LARP4B: variants seen among roughly 807,000 people sequenced by gnomAD.
LARP4B encodes La ribonucleoprotein 4B, also known as la-related protein 4B.
In LARP4B, 12 loss-of-function variants were observed where a neutral mutation model predicts 89.8. The ratio of observed to expected loss-of-function variants is 0.13; its 90% CI spans 0.09 to 0.22. The LOEUF is 0.22. Among genes scored for constraint, LARP4B ranks in the 10% least tolerant of loss-of-function variants. LARP4B has a pLI of 1.00. For synonymous variants in LARP4B, 367 were observed against 363.3 expected (o/e 1.01, Z -0.12); for missense variants, 757 against 947.7 (o/e 0.80, Z 2.64).
At chr10:928,810 C>T (rs1245740564) in intron 1 of LARP4B, among the ~76,000 whole-genome samples, 1 of 152,070 alleles carries the variant, frequency 6.6e-6, no homozygotes, top group East Asian at 1.9e-4. Flanking sequence ...AACTCCTGGG[C>T]TCCTAAACTC....
the LARP4B span, chr10:971,495 T>C: frequency 5.9e-5 from 9 of 152,318 alleles, no homozygotes; most frequent in African/African-American, 2.2e-4. Context: ...TTTGTAAAGA[T>C]TTCTGATTTT....
At chr10:878,415 A>C (rs1439208489) in intron 3 of LARP4B, among the ~76,000 whole-genome samples, 5 of 152,338 alleles carry the variant, frequency 3.3e-5, no homozygotes, top group East Asian at 1.9e-4. Context: ...ACCATCTCAG[A>C]AACTCTGACA....
At chr10:936,768 A>G (rs1589005014), upstream of LARP4B, among the ~76,000 whole-genome samples, 1 of 151,974 alleles carries the variant, frequency 6.6e-6, no homozygotes. Flanking sequence ...GGCAAGAAAG[A>G]CCCTTAGAAG....
chr10:962,275 C>A, the LARP4B span, among the ~76,000 whole-genome samples: 2 of 105,386 alleles, frequency 1.9e-5, no homozygotes, highest in African/African-American at 3.8e-5. Flanking sequence ...CCAGCCTGGG[C>A]AACAAGAGTG....
intron 10 of LARP4B, 43 bp from the exon 11 acceptor site, chr10:829,637 A>G: frequency 1.2e-6 from 2 of 1,609,962 alleles, no homozygotes; most frequent in Non-Finnish European, 1.7e-6. Flanking sequence ...ACTTAAGAAC[A>G]TCAATTTGCA....
chr10:848,290 TCCAAGAAA>T (rs1588904032), intron 5 of LARP4B, among the ~76,000 whole-genome samples: 2 of 152,256 alleles, frequency 1.3e-5, no homozygotes, highest in East Asian at 3.9e-4. Flanking sequence ...TCACACTGTT[TCCAAGAAA>T]CCTGGCTGCA....
At chr10:832,021 G>T (rs1832929824) in intron 8 of LARP4B, among the ~76,000 whole-genome samples, 1 of 152,126 alleles carries the variant, frequency 6.6e-6, no homozygotes, top group African/African-American at 2.4e-5. Flanking sequence ...ATATATGGAA[G>T]ATTGTTTTTA....
At chr10:837,104 T>C (rs547402527) in intron 7 of LARP4B, among the ~76,000 whole-genome samples, 1 of 152,298 alleles carries the variant, frequency 6.6e-6, no homozygotes, top group Non-Finnish European at 1.5e-5. Context: ...TTACAGGTTC[T>C]ATCAACAGGA....
Position 811,790 on chromosome 10 carries a change from G to A in LARP4B, c.*1136C>T, listed in dbSNP as rs1831750292. ...TGCTTAGAATAAAGAAAAATTTGAG[G>A]CATTTTAAAACAAAATAATTTATAT... On this transcript the variant is annotated 3_prime_UTR_variant, in exon 18 of 18. Coordinates refer to ENST00000316157, the MANE Select transcript of LARP4B (RefSeq NM_015155.3). 1 of 152,454 alleles carries A rather than the reference G, an allele frequency of 6.6e-6. No homozygotes were observed. Among genetic ancestry groups the A allele is most frequent in the Admixed American group, 6.5e-5 (1 of 15,272 alleles). 9.4% of individuals were successfully genotyped at this position (152,454 alleles called of 1,614,324 possible).
chr10:914,382 G>A (rs1836759250), intron 1 of LARP4B, among the ~76,000 whole-genome samples: 2 of 151,964 alleles, frequency 1.3e-5, no homozygotes. Context: ...AAGGGGGAAA[G>A]GAAAGTAAGT....
At chr10:860,911 C>T (rs1834570107) in intron 5 of LARP4B, among the ~76,000 whole-genome samples, 1 of 152,120 alleles carries the variant, frequency 6.6e-6, no homozygotes, top group South Asian at 2.1e-4. Context: ...AATCCCAGCA[C>T]TTTGGGAGGC....
intron 7 of LARP4B, among the ~76,000 whole-genome samples, chr10:841,305 T>C (rs977025001): frequency 2.0e-5 from 3 of 152,218 alleles, no homozygotes; most frequent in Admixed American, 6.5e-5. Flanking sequence ...TCACATAGGT[T>C]CTTACAAAGG....
chr10:897,592 C>T (rs1389283246), intron 1 of LARP4B, among the ~76,000 whole-genome samples: 1 of 151,818 alleles, frequency 6.6e-6, no homozygotes, highest in Non-Finnish European at 1.5e-5. Flanking sequence ...CCAAAGAATG[C>T]GAAAAAACAT....
the LARP4B span, among the ~76,000 whole-genome samples, chr10:983,698 C>T: frequency 0.016 from 2,500 of 152,260 alleles, 70 homozygotes; most frequent in African/African-American, 0.057. Context: ...CTCCCCAAGG[C>T]TCCATCTCCA....
At chr10:929,856 G>C (rs1224984457) in intron 1 of LARP4B, among the ~76,000 whole-genome samples, 2 of 152,064 alleles carry the variant, frequency 1.3e-5, no homozygotes, top group African/African-American at 4.8e-5. Flanking sequence ...TCAAAGATAA[G>C]TACACAAATT....
chr10:937,262 C>T, the LARP4B span, among the ~76,000 whole-genome samples: 3 of 152,058 alleles, frequency 2.0e-5, no homozygotes, highest in African/African-American at 4.8e-5. Context: ...AGGCTGGTCT[C>T]GAACTCCTGG....
Position 894,971 on chromosome 10 carries a change from G to A in LARP4B, c.-39-9211C>T, listed in dbSNP as rs115737345. ...AGGCCAAGGCGGGCGGACTGCCTGAGCTCAGGAGTTTGCGACCAGCCTCGG... is the reference window on the plus strand; with the variant it reads ...AGGCCAAGGCGGGCGGACTGCCTGAACTCAGGAGTTTGCGACCAGCCTCGG... On this transcript the variant is annotated intron_variant, in intron 1 of 17. Transcript: ENST00000316157. Among the ~76,000 whole-genome samples the A allele has an allele frequency of 6.8e-3, 1,033 of 152,200 alleles. 5 individuals are homozygous for A. Among genetic ancestry groups the A allele is most frequent in the Middle Eastern group, 0.024 (7 of 292 alleles).
chr10:828,975 C>T (rs1832759728), intron 11 of LARP4B, among the ~76,000 whole-genome samples: 1 of 152,172 alleles, frequency 6.6e-6, no homozygotes, highest in Non-Finnish European at 1.5e-5. Context: ...AACTCTAATG[C>T]TGGTGAGAAG....
chr10:960,468 A>G, the LARP4B span, among the ~76,000 whole-genome samples: 1 of 152,072 alleles, frequency 6.6e-6, no homozygotes, highest in Admixed American at 6.6e-5. Context: ...GCACTTTGGG[A>G]GGCCAAGGAG....
Sources: gnomAD v4.1 joint callset for allele counts (sites outside exome capture counted in the v4.1 genomes callset) on GRCh38, gnomAD v4.1.1 for gene constraint, MANE v1.5 for transcripts, NCBI Gene and HGNC (gene_info 2026-07-23, HGNC 2026-07-21) for gene names.